TPRG1: variants seen among roughly 807,000 people sequenced by gnomAD.
TPRG1 encodes tumor protein p63 regulated 1, also known as tumor protein p63-regulated gene 1 protein.
Under a neutral mutation model 29.3 loss-of-function variants are expected in TPRG1, and 29 were observed. That is an observed-to-expected ratio of 0.99 (90% CI 0.74 to 1.35). TPRG1 has a LOEUF of 1.35. Among genes scored for constraint, TPRG1 ranks in the 40% most tolerant of loss-of-function variants. TPRG1 has a pLI of 0.00. For synonymous variants in TPRG1, 130 were observed against 116.8 expected (o/e 1.11, Z -0.73); for missense variants, 327 against 335.0 (o/e 0.98, Z 0.19).
intron 1 of TPRG1, among the ~76,000 whole-genome samples, chr3:189,196,371 TATC>T (rs1732529438): frequency 6.6e-6 from 1 of 152,210 alleles, no homozygotes; most frequent in South Asian, 2.1e-4. Context: ...TAATATCTGT[TATC>T]ATGCTACTAA....
intron 4 of TPRG1, among the ~76,000 whole-genome samples, chr3:189,269,027 CA>C (rs1413843499): frequency 2.0e-5 from 3 of 151,856 alleles, no homozygotes; most frequent in Non-Finnish European, 2.9e-5. Context: ...TAAGACTCAA[CA>C]ATTAAATTTC....
chr3:189,160,341 A>AT (rs893162072), intron 5 of TPRG1, among the ~76,000 whole-genome samples: 10 of 152,156 alleles, frequency 6.6e-5, no homozygotes, highest in Admixed American at 5.9e-4. Flanking sequence ...ATTGAAGATA[A>AT]TTTTTTGGCT....
chr3:189,288,836 T>C (rs1718512722), intron 4 of TPRG1, among the ~76,000 whole-genome samples: 1 of 152,266 alleles, frequency 6.6e-6, no homozygotes, highest in African/African-American at 2.4e-5. Context: ...ACCACTGATT[T>C]GTGCCTAATA....
intron 5 of TPRG1, among the ~76,000 whole-genome samples, chr3:189,158,423 A>G (rs1440370664): frequency 6.6e-6 from 1 of 152,080 alleles, no homozygotes; most frequent in Non-Finnish European, 1.5e-5. Context: ...AGCCTGGCCA[A>G]TATGGTGAAA....
At chr3:189,219,630 A>G (rs1736638926) in intron 3 of TPRG1, 1 of 1,289,284 alleles carries the variant, frequency 7.8e-7, no homozygotes, top group African/African-American at 1.5e-5. Context: ...TTCAAAAAGT[A>G]TGATATGATG....
At chr3:189,083,401 C>T (rs1038881738) in intron 4 of TPRG1, among the ~76,000 whole-genome samples, 3 of 152,164 alleles carry the variant, frequency 2.0e-5, no homozygotes, top group African/African-American at 7.2e-5. Flanking sequence ...GGGAAGATGC[C>T]TTATGCATAC....
chr3:189,110,624 A>G (rs1341313331), intron 1 of TPRG1, among the ~76,000 whole-genome samples: 1 of 152,134 alleles, frequency 6.6e-6, no homozygotes, highest in South Asian at 2.1e-4. Context: ...CCACAGTTAC[A>G]AAGTTTTTTG....
intron 3 of TPRG1, among the ~76,000 whole-genome samples, chr3:189,013,596 T>C (rs1712761355): frequency 6.6e-6 from 1 of 152,150 alleles, no homozygotes; most frequent in Non-Finnish European, 1.5e-5. Flanking sequence ...GTCTTGATGA[T>C]TTGTTTAATA....
At chr3:189,159,847 T>TGTGTGTGG (rs1467640625) in intron 5 of TPRG1, among the ~76,000 whole-genome samples, 13 of 139,396 alleles carry the variant, frequency 9.3e-5, no homozygotes, top group Non-Finnish European at 1.9e-4. Context: ...TGTATGTGTG[T>TGTGTGTGG]GTGTGTGTGT....
intron 5 of TPRG1, among the ~76,000 whole-genome samples, chr3:189,158,728 C>A (rs774771268): frequency 6.6e-6 from 1 of 152,136 alleles, no homozygotes; most frequent in Non-Finnish European, 1.5e-5. Context: ...CCATCCCCAG[C>A]CCATCTCGTT....
chr3:189,179,897 T>G (rs936525549), intron 1 of TPRG1, among the ~76,000 whole-genome samples: 1 of 152,194 alleles, frequency 6.6e-6, no homozygotes, highest in African/African-American at 2.4e-5. Flanking sequence ...TATTAGTCCT[T>G]TTTCACACTG....
At chr3:189,075,723 C>G (rs1717129765) in intron 4 of TPRG1, among the ~76,000 whole-genome samples, 1 of 152,074 alleles carries the variant, frequency 6.6e-6, no homozygotes, top group East Asian at 1.9e-4. Flanking sequence ...TTTTACAGTC[C>G]CACTTCCTTA....
intron 4 of TPRG1, among the ~76,000 whole-genome samples, chr3:189,089,161 A>G (rs1240257180): frequency 1.3e-5 from 2 of 152,192 alleles, no homozygotes; most frequent in African/African-American, 4.8e-5. Flanking sequence ...CTACTGTTAC[A>G]GAATCAAATG....
At chr3:189,074,041 C>G (rs771332341) in intron 4 of TPRG1, among the ~76,000 whole-genome samples, 11 of 152,068 alleles carry the variant, frequency 7.2e-5, no homozygotes, top group Non-Finnish European at 1.3e-4. Context: ...AGTCGGCCAT[C>G]AAATAACGGT....
chr3:189,164,637 T>A (rs200915394), intron 5 of TPRG1, among the ~76,000 whole-genome samples: 2,577 of 115,784 alleles, frequency 0.022, 29 homozygotes, highest in South Asian at 0.055. Flanking sequence ...CCCTTTTTTT[T>A]AAAAAAAAAA....
At chr3:189,186,874 C>A (rs1730987493) in intron 1 of TPRG1, among the ~76,000 whole-genome samples, 1 of 151,994 alleles carries the variant, frequency 6.6e-6, no homozygotes. Flanking sequence ...ATATTCTGCT[C>A]ACAATTGTTC....
intron 2 of TPRG1, among the ~76,000 whole-genome samples, chr3:189,213,917 C>T (rs1460164732): frequency 6.6e-6 from 1 of 152,016 alleles, no homozygotes; most frequent in South Asian, 2.1e-4. Context: ...ATATATATCC[C>T]TAGTCCTTTA....
At chr3:189,058,213 A>C (rs1209943285) in intron 4 of TPRG1, among the ~76,000 whole-genome samples, 1 of 152,084 alleles carries the variant, frequency 6.6e-6, no homozygotes, top group Non-Finnish European at 1.5e-5. Flanking sequence ...GCGAGGTCCC[A>C]GCGATGACAA....
At chr3:189,222,895 T>G (rs1258630214) in intron 3 of TPRG1, among the ~76,000 whole-genome samples, 1 of 152,236 alleles carries the variant, frequency 6.6e-6, no homozygotes, top group East Asian at 1.9e-4. Context: ...CTCTGTTTTG[T>G]ATGCCTCTGC....
Sources: allele counts gnomAD v4.1 joint callset (sites outside exome capture counted in the v4.1 genomes callset), GRCh38; gene constraint gnomAD v4.1.1; transcripts MANE v1.5; gene names NCBI Gene and HGNC (gene_info 2026-07-23, HGNC 2026-07-21).